ADAMTS18: variants seen among roughly 807,000 people sequenced by gnomAD.
The protein encoded by ADAMTS18 is A disintegrin and metalloproteinase with thrombospondin motifs 18.
ADAMTS18 carries 157 observed loss-of-function variants against 165.9 expected under a neutral mutation model. The observed-to-expected ratio is 0.95, with a 90% CI of 0.83 to 1.08. The LOEUF is 1.08. Ranked by LOEUF, ADAMTS18 falls within the 50% of genes least tolerant of loss-of-function variation. The probability of loss-of-function intolerance (pLI) is 0.00; values close to 1 mark genes in which losing one functional copy is unlikely to be tolerated. For synonymous variants in ADAMTS18, 782 were observed against 578.2 expected (o/e 1.35, Z -5.06); for missense variants, 2,040 against 1,534.0 (o/e 1.33, Z -5.51).
At position 77,428,022 on chromosome 16, in the gene ADAMTS18, T is replaced by G. The variant is rs565959700; in HGVS notation, c.495+3273A>C. Among the ~76,000 whole-genome samples the G allele has an allele frequency of 5.9e-5, 9 of 152,316 alleles. No individual in the cohort carries two copies. In the South Asian group the frequency reaches 1.9e-3, roughly 32 times the overall value. On this transcript the variant is annotated intron_variant, in intron 3 of 22. Coordinates refer to ENST00000282849, the MANE Select transcript of ADAMTS18 (RefSeq NM_199355.4). Reference sequence around the variant, plus strand: ...ATAATGGTAGATTCCTATTAGTACTTTGTCAAATCATTTAAAGGTGACATC... The same window carrying G: ...ATAATGGTAGATTCCTATTAGTACTGTGTCAAATCATTTAAAGGTGACATC...
chr16:77,419,075 G>T (rs1438179326), intron 3 of ADAMTS18, among the ~76,000 whole-genome samples: 1 of 152,206 alleles, frequency 6.6e-6, no homozygotes, highest in African/African-American at 2.4e-5. Context: ...CTTGAATCCA[G>T]GAGGCGGAGA....
intron 10 of ADAMTS18, among the ~76,000 whole-genome samples, chr16:77,346,792 G>T (rs141308925): frequency 6.6e-5 from 10 of 152,114 alleles, no homozygotes; most frequent in Non-Finnish European, 1.5e-4. Flanking sequence ...GAATTGCCCC[G>T]ATGCCATTTT....
chr16:77,351,121 T>A (rs1257284898), intron 10 of ADAMTS18, among the ~76,000 whole-genome samples: 1 of 152,160 alleles, frequency 6.6e-6, no homozygotes, highest in Non-Finnish European at 1.5e-5. Context: ...ATATTTATGA[T>A]CCTCAGAGGT....
chr16:77,382,223 G>T (rs2057041443), intron 3 of ADAMTS18, among the ~76,000 whole-genome samples: 1 of 151,972 alleles, frequency 6.6e-6, no homozygotes, highest in Non-Finnish European at 1.5e-5. Context: ...TTGTTTGTTT[G>T]TTTTTTTGAG....
chr16:77,347,236 T>C (rs574938242), intron 10 of ADAMTS18, among the ~76,000 whole-genome samples: 2 of 152,358 alleles, frequency 1.3e-5, no homozygotes, highest in African/African-American at 2.4e-5. Context: ...TTGGCTTCTA[T>C]GAATCAAATA....
chr16:77,408,986 T>C lies in ADAMTS18; in HGVS notation c.495+22309A>G, dbSNP rs138579782. Among the ~76,000 whole-genome samples the C allele has an allele frequency of 8.6e-5, 13 of 151,208 alleles. No individual in the cohort carries two copies. The East Asian group carries it at 2.3e-3, about 27-fold the overall frequency. ...TGTTACACTTGTTCTATTTTATTATTATTGATAATCTCTTACTGTGCCTAA... is the reference window on the plus strand; with the variant it reads ...TGTTACACTTGTTCTATTTTATTATCATTGATAATCTCTTACTGTGCCTAA... On this transcript the variant is annotated intron_variant, in intron 3 of 22. Coordinates refer to ENST00000282849, the MANE Select transcript of ADAMTS18 (RefSeq NM_199355.4).
intron 7 of ADAMTS18, among the ~76,000 whole-genome samples, chr16:77,360,945 G>A (rs2056703749): frequency 1.3e-5 from 2 of 152,080 alleles, no homozygotes; most frequent in Non-Finnish European, 2.9e-5. Context: ...AATTAGCCAG[G>A]TGTGGTGGTG....
intron 3 of ADAMTS18, among the ~76,000 whole-genome samples, chr16:77,417,062 C>A (rs1597249492): frequency 6.6e-6 from 1 of 152,266 alleles, no homozygotes; most frequent in African/African-American, 2.4e-5. Flanking sequence ...TTTGTGTTCC[C>A]AGGGTCCTTT....
rs749804100 is a variant in ADAMTS18, at chr16:77,320,040, C to A, written c.2341G>T (p.Glu781Ter). 1 of 1,614,046 alleles carries A rather than the reference C, an allele frequency of 6.2e-7. No individual in the cohort carries two copies. Among genetic ancestry groups the A allele is most frequent in the African/African-American group, 1.3e-5 (1 of 75,018 alleles). The change falls in exon 16 of 23, where the codon GAG (glutamate) becomes TAG (stop). Residue 781 changes from glutamate to a stop codon, truncating the protein, a stop_gained. Transcript: ENST00000282849. LOFTEE classifies it high-confidence loss of function. ...PAGARSIEIQ[E>*]LQVSSSYLAV... ...AGGTAACTGGAGGAAACCTGCAGCT[C>A]CTGGATTTCGATGCTTCGGGCGCCA...
intron 10 of ADAMTS18, among the ~76,000 whole-genome samples, chr16:77,351,838 G>A (rs1442692296): frequency 6.6e-6 from 1 of 151,990 alleles, no homozygotes; most frequent in Non-Finnish European, 1.5e-5. Flanking sequence ...GGGCTCAAGT[G>A]ATCCCCCTGC....
At chr16:77,405,984 C>G (rs2057388584) in intron 3 of ADAMTS18, among the ~76,000 whole-genome samples, 1 of 151,988 alleles carries the variant, frequency 6.6e-6, no homozygotes, top group Non-Finnish European at 1.5e-5. Context: ...AAACCCAAAG[C>G]AAGCAGTAGA....
intron 3 of ADAMTS18, among the ~76,000 whole-genome samples, chr16:77,420,231 T>C (rs1489444042): frequency 6.6e-6 from 1 of 151,920 alleles, no homozygotes; most frequent in Non-Finnish European, 1.5e-5. Context: ...ATAATATGTC[T>C]TCAAAAAGTC....
intron 3 of ADAMTS18, among the ~76,000 whole-genome samples, chr16:77,429,093 T>C (rs1484961559): frequency 1.3e-5 from 2 of 152,156 alleles, no homozygotes; most frequent in African/African-American, 2.4e-5. Context: ...GTACTAGGTA[T>C]GAGAAGAACA....
intron 3 of ADAMTS18, among the ~76,000 whole-genome samples, chr16:77,422,161 T>C (rs2057611052): frequency 1.3e-5 from 2 of 151,898 alleles, no homozygotes; most frequent in African/African-American, 4.8e-5. Flanking sequence ...AATCCATAAA[T>C]AAAAATATGG....
intron 3 of ADAMTS18, among the ~76,000 whole-genome samples, chr16:77,407,538 G>A (rs374556164): frequency 1.6e-4 from 24 of 152,140 alleles, no homozygotes; most frequent in African/African-American, 5.5e-4. Context: ...TCCTAAATAC[G>A]TGTAAGACAT....
intron 10 of ADAMTS18, among the ~76,000 whole-genome samples, chr16:77,348,259 A>C (rs981898630): frequency 3.3e-5 from 5 of 152,184 alleles, no homozygotes; most frequent in African/African-American, 1.2e-4. Flanking sequence ...GAGTCCAAGA[A>C]ATGGAAATCT....
intron 9 of ADAMTS18, 28 bp downstream of exon 9, chr16:77,355,912 G>A (rs555706225): frequency 1.2e-6 from 2 of 1,613,690 alleles, no homozygotes; most frequent in African/African-American, 1.3e-5. Flanking sequence ...CCAAACCTAG[G>A]AGCACCCCAG....
At chr16:77,375,104 G>C (rs2056929998) in intron 3 of ADAMTS18, among the ~76,000 whole-genome samples, 1 of 152,026 alleles carries the variant, frequency 6.6e-6, no homozygotes, top group South Asian at 2.1e-4. Flanking sequence ...ACAGATCTGT[G>C]GTCTCCCGTG....
chr16:77,397,315 A>G (rs1204707745), intron 3 of ADAMTS18, among the ~76,000 whole-genome samples: 2 of 152,222 alleles, frequency 1.3e-5, no homozygotes, highest in African/African-American at 4.8e-5. Flanking sequence ...TCATTTTTCC[A>G]AGTTTCCCAA....
Sources: allele counts gnomAD v4.1 joint callset (sites outside exome capture counted in the v4.1 genomes callset), GRCh38; gene constraint gnomAD v4.1.1; transcripts MANE v1.5; gene names NCBI Gene and HGNC (gene_info 2026-07-23, HGNC 2026-07-21).